The following FER variants were observed in gnomAD, a reference collection of about 807,000 sequenced individuals.
FER encodes FER tyrosine kinase.
A neutral mutation model predicts 111.0 loss-of-function variants in FER; 63 were observed. That is an observed-to-expected ratio of 0.57 (90% confidence interval 0.46 to 0.70). The LOEUF is 0.70. FER is among the 30% of genes least tolerant of loss of function. The probability of loss-of-function intolerance (pLI) is 0.00; values close to 1 mark genes in which losing one functional copy is unlikely to be tolerated. For missense variants in FER, 914 were observed against 954.0 expected (o/e 0.96, Z 0.55); for synonymous variants, 327 against 313.9 (o/e 1.04, Z -0.44).
At chr5:108,845,067 T>TATATATATATATATATATATATATAC (rs1486282738) in intron 5 of FER, among the ~76,000 whole-genome samples, 1 of 53,886 alleles carries the variant, frequency 1.9e-5, no homozygotes, top group Non-Finnish European at 3.5e-5. Context: ...TATATATATA[T>TATATATATATATATATATATATATAC]ACACACACAC....
At chr5:109,012,193 C>T (rs945348038) in intron 13 of FER, among the ~76,000 whole-genome samples, 9 of 152,156 alleles carry the variant, frequency 5.9e-5, no homozygotes, top group African/African-American at 1.7e-4. Context: ...CGTATGCCAG[C>T]CATGTTATAG....
At chr5:108,929,292 A>G (rs1754229939) in intron 10 of FER, among the ~76,000 whole-genome samples, 1 of 152,182 alleles carries the variant, frequency 6.6e-6, no homozygotes, top group Non-Finnish European at 1.5e-5. Context: ...AAAGAAGCAC[A>G]CAAAAATAGA....
intron 16 of FER, among the ~76,000 whole-genome samples, chr5:109,099,614 G>A (rs781137765): frequency 1.4e-4 from 21 of 151,338 alleles, no homozygotes; most frequent in Non-Finnish European, 2.8e-4. Flanking sequence ...GACATATGTT[G>A]ATATGTTTTG....
intron 13 of FER, among the ~76,000 whole-genome samples, chr5:108,973,216 A>T (rs975144961): frequency 6.6e-6 from 1 of 152,170 alleles, no homozygotes; most frequent in Non-Finnish European, 1.5e-5. Context: ...CACTTTAAAA[A>T]ACACCATTTA....
At chr5:108,801,791 G>A (rs552575612) in intron 3 of FER, among the ~76,000 whole-genome samples, 84 of 152,168 alleles carry the variant, frequency 5.5e-4, no homozygotes, top group Non-Finnish European at 1.0e-3. Context: ...GACACTTTCT[G>A]TCTTCTTTTT....
At chr5:109,080,595 C>T (rs1223625668) in intron 16 of FER, among the ~76,000 whole-genome samples, 4 of 151,972 alleles carry the variant, frequency 2.6e-5, no homozygotes, top group East Asian at 1.9e-4. Flanking sequence ...ATCTGTAAGG[C>T]AGTATTTCCA....
intron 16 of FER, among the ~76,000 whole-genome samples, chr5:109,067,263 G>T (rs1236800231): frequency 2.7e-5 from 4 of 147,912 alleles, no homozygotes; most frequent in African/African-American, 1.0e-4. Flanking sequence ...TGTTGTTGTT[G>T]CTGTTGCTGC....
chr5:108,992,599 C>T (rs1322568911), intron 13 of FER, among the ~76,000 whole-genome samples: 1 of 150,950 alleles, frequency 6.6e-6, no homozygotes, highest in African/African-American at 2.4e-5. Context: ...CGCCCCTTAC[C>T]TCCCAGATGG....
chr5:109,044,413 C>T (rs140290376), intron 14 of FER, among the ~76,000 whole-genome samples: 2 of 152,140 alleles, frequency 1.3e-5, no homozygotes, highest in Admixed American at 6.5e-5. Context: ...GATCTCCTGA[C>T]CTCGTGATCT....
At chr5:108,794,222 C>CTT (rs201053084) in intron 2 of FER, among the ~76,000 whole-genome samples, 5 of 133,798 alleles carry the variant, frequency 3.7e-5, no homozygotes, top group East Asian at 2.1e-4. Flanking sequence ...TTTTTTTTTT[C>CTT]TTTTTTTTTT....
intron 13 of FER, among the ~76,000 whole-genome samples, chr5:109,033,213 C>T (rs1371017166): frequency 6.6e-6 from 1 of 152,116 alleles, no homozygotes; most frequent in East Asian, 1.9e-4. Flanking sequence ...AGTCTGCTTC[C>T]ATTTTTTCTG....
intron 14 of FER, among the ~76,000 whole-genome samples, chr5:109,039,264 A>G (rs1770821973): frequency 6.6e-6 from 1 of 151,766 alleles, no homozygotes; most frequent in East Asian, 1.9e-4. Flanking sequence ...TACTTGATAT[A>G]CAGTATCAGA....
At chr5:109,053,972 TGAGCCACTG>T (rs561151867) in intron 16 of FER, among the ~76,000 whole-genome samples, 237 of 152,224 alleles carry the variant, frequency 1.6e-3, no homozygotes, top group Non-Finnish European at 2.2e-3. Context: ...ATTACAGACG[TGAGCCACTG>T]CGCCCGGCCT....
chr5:108,965,545 T>C (rs1759695934), intron 13 of FER, among the ~76,000 whole-genome samples: 1 of 152,192 alleles, frequency 6.6e-6, no homozygotes, highest in African/African-American at 2.4e-5. Context: ...TCAACAACTG[T>C]GAATTTGATT....
intron 13 of FER, among the ~76,000 whole-genome samples, chr5:108,968,751 TAATA>T (rs1296840372): frequency 2.0e-5 from 3 of 151,940 alleles, no homozygotes; most frequent in Admixed American, 2.0e-4. Context: ...TTTTAGAAAA[TAATA>T]AATAATTAAA....
At chr5:108,835,385 G>A (rs770062457) in intron 4 of FER, among the ~76,000 whole-genome samples, 7 of 151,966 alleles carry the variant, frequency 4.6e-5, no homozygotes, top group Non-Finnish European at 1.0e-4. Context: ...GGGTTTTGCT[G>A]TGTTGGCCAG....
chr5:108,954,353 AT>A (rs1306355067), intron 11 of FER, among the ~76,000 whole-genome samples: 2 of 152,116 alleles, frequency 1.3e-5, no homozygotes, highest in Admixed American at 6.6e-5. Flanking sequence ...TCAACTTTTC[AT>A]TTACATAAAA....
chr5:109,183,593 C>T (rs1422031172), intron 18 of FER, among the ~76,000 whole-genome samples: 1 of 152,126 alleles, frequency 6.6e-6, no homozygotes, highest in Non-Finnish European at 1.5e-5. Flanking sequence ...TCTTTCTTCA[C>T]TCTTGTCTCA....
At chr5:108,926,258 CGTT>C (rs1330066653) in intron 10 of FER, among the ~76,000 whole-genome samples, 17 of 151,482 alleles carry the variant, frequency 1.1e-4, no homozygotes, top group African/African-American at 2.9e-4. Context: ...TACATACCAT[CGTT>C]GTCTTTTCAA....
Sources: gnomAD v4.1 joint callset for allele counts (sites outside exome capture counted in the v4.1 genomes callset) on GRCh38, gnomAD v4.1.1 for gene constraint, MANE v1.5 for transcripts, NCBI Gene and HGNC (gene_info 2026-07-23, HGNC 2026-07-21) for gene names.